The following VAV3 variants were observed in gnomAD, a reference collection of about 807,000 sequenced individuals.
The protein encoded by VAV3 is guanine nucleotide exchange factor VAV3.
A neutral mutation model predicts 131.2 loss-of-function variants in VAV3; 94 were observed. The observed-to-expected ratio is 0.72, with a 90% confidence interval of 0.61 to 0.85. VAV3 has a LOEUF of 0.85. Ranked by LOEUF, VAV3 falls within the 40% of genes least tolerant of loss-of-function variation. The pLI is 0.00. For missense variants in VAV3, 939 were observed against 1,002.7 expected, an observed-to-expected ratio of 0.94 and a Z score of 0.86; for synonymous variants, 349 against 342.0, an observed-to-expected ratio of 1.02 and a Z score of -0.22.
chr1:107,711,502 T>G (rs1347982585), intron 15 of VAV3, among the ~76,000 whole-genome samples: 1 of 152,168 alleles, frequency 6.6e-6, no homozygotes, highest in Non-Finnish European at 1.5e-5. Context: ...CAGGGAACAT[T>G]CTGAAGTCAA....
At chr1:107,751,323 T>G (rs1276085060) in intron 12 of VAV3, 121 bp from the exon 13 acceptor site, 2 of 802,464 alleles carry the variant, frequency 2.5e-6, no homozygotes, top group Non-Finnish European at 3.9e-6. Flanking sequence ...CCATTTTTTA[T>G]ACTTTTAAAG....
At chr1:107,907,750 T>C (rs1557916147) in intron 1 of VAV3, among the ~76,000 whole-genome samples, 1 of 152,134 alleles carries the variant, frequency 6.6e-6, no homozygotes, top group Non-Finnish European at 1.5e-5. Flanking sequence ...CACCATGGTA[T>C]GATGCAGCAA....
At chr1:107,805,331 C>T (rs188941830) in intron 2 of VAV3, among the ~76,000 whole-genome samples, 12 of 152,238 alleles carry the variant, frequency 7.9e-5, no homozygotes, top group African/African-American at 2.2e-4. Context: ...ATATCTCATA[C>T]GTGACCTGTC....
At chr1:107,700,051 T>TGC (rs1660003287) in intron 17 of VAV3, among the ~76,000 whole-genome samples, 1 of 152,206 alleles carries the variant, frequency 6.6e-6, no homozygotes, top group Non-Finnish European at 1.5e-5. Flanking sequence ...AATTAAATTA[T>TGC]AAGTGCAAGT....
chr1:107,726,370 C>T lies in VAV3; in HGVS notation c.1503-21309G>A, dbSNP rs534149292. ...TTCCGCCAGAAAGTCCTCTGTGCTCCGGCAGAGGCGCTCTGCAGATACTTT... is the reference window on the plus strand; with the variant it reads ...TTCCGCCAGAAAGTCCTCTGTGCTCTGGCAGAGGCGCTCTGCAGATACTTT... On this transcript the variant is annotated intron_variant, in intron 15 of 26. Coordinates refer to ENST00000370056, the MANE Select transcript of VAV3 (RefSeq NM_006113.5). Among the ~76,000 whole-genome samples, 35 of 152,336 alleles carry T rather than the reference C, an allele frequency of 2.3e-4. No homozygotes were observed. In the East Asian group the frequency reaches 4.0e-3, roughly 18 times the overall value.
At chr1:107,605,438 T>C (rs374863989) in intron 22 of VAV3, among the ~76,000 whole-genome samples, 1 of 152,192 alleles carries the variant, frequency 6.6e-6, no homozygotes, top group Non-Finnish European at 1.5e-5. Flanking sequence ...TCTCCTGCCA[T>C]GTTATTATGC....
At chr1:107,845,686 A>T (rs1356356336) in intron 2 of VAV3, among the ~76,000 whole-genome samples, 3 of 152,166 alleles carry the variant, frequency 2.0e-5, no homozygotes, top group African/African-American at 7.2e-5. Flanking sequence ...GATCAAACAG[A>T]AGAAAGGATA....
chr1:107,927,897 C>T (rs999844849), intron 1 of VAV3, among the ~76,000 whole-genome samples: 1 of 152,120 alleles, frequency 6.6e-6, no homozygotes, highest in African/African-American at 2.4e-5. Context: ...TCACCACCTG[C>T]TGATGGTAGG....
intron 1 of VAV3, among the ~76,000 whole-genome samples, chr1:107,945,842 GAAAGA>G (rs1202841385): frequency 2.0e-3 from 12 of 6,122 alleles, no homozygotes; most frequent in African/African-American, 2.2e-3. Flanking sequence ...AAAAAAGAAA[GAAAGA>G]AAAGAAAAAC....
chr1:107,762,062 T>C (rs1664468902), intron 9 of VAV3, among the ~76,000 whole-genome samples: 1 of 151,620 alleles, frequency 6.6e-6, no homozygotes, highest in Non-Finnish European at 1.5e-5. Flanking sequence ...CGGTGTGACC[T>C]TGGACAAGTC....
At chr1:107,808,037 T>C (rs1667144611) in intron 2 of VAV3, among the ~76,000 whole-genome samples, 1 of 152,212 alleles carries the variant, frequency 6.6e-6, no homozygotes. Context: ...CCAATGATGA[T>C]TGATTTTGGA....
chr1:107,725,348 G>C (rs1219299198), intron 15 of VAV3, among the ~76,000 whole-genome samples: 4 of 152,268 alleles, frequency 2.6e-5, no homozygotes, highest in African/African-American at 9.6e-5. Flanking sequence ...GAATCAAGAA[G>C]ATTGCTGATC....
chr1:107,614,034 G>A (rs963371330), intron 21 of VAV3, among the ~76,000 whole-genome samples: 10 of 151,944 alleles, frequency 6.6e-5, no homozygotes, highest in Non-Finnish European at 1.5e-4. Context: ...GAAATTCTCA[G>A]GGGATACTGC....
intron 1 of VAV3, among the ~76,000 whole-genome samples, chr1:107,888,695 G>C (rs963988986): frequency 6.6e-6 from 1 of 152,092 alleles, no homozygotes; most frequent in Non-Finnish European, 1.5e-5. Context: ...CTGACCTCAA[G>C]TGATCCCCCC....
At chr1:107,689,169 C>T (rs1288224640) in intron 17 of VAV3, among the ~76,000 whole-genome samples, 1 of 152,142 alleles carries the variant, frequency 6.6e-6, no homozygotes, top group African/African-American at 2.4e-5. Flanking sequence ...ATCTTTGCCT[C>T]CTTTCCCCAT....
chr1:107,582,568 C>G (rs1332123980), intron 25 of VAV3, among the ~76,000 whole-genome samples: 1 of 124,100 alleles, frequency 8.1e-6, no homozygotes, highest in South Asian at 3.3e-4. Context: ...CCCCCTCCCC[C>G]CACCCCACAA....
chr1:107,635,063 G>A (rs1255915269), intron 20 of VAV3, among the ~76,000 whole-genome samples: 3 of 152,000 alleles, frequency 2.0e-5, no homozygotes, highest in Non-Finnish European at 4.4e-5. Flanking sequence ...TCAGTGTGGC[G>A]ATTCCTCAGG....
intron 15 of VAV3, among the ~76,000 whole-genome samples, chr1:107,741,356 G>T (rs940373122): frequency 6.6e-6 from 1 of 152,186 alleles, no homozygotes; most frequent in Non-Finnish European, 1.5e-5. Flanking sequence ...CCCAGGATGG[G>T]TGTGGGAGGC....
chr1:107,948,959 T>C (rs958510450), intron 1 of VAV3, among the ~76,000 whole-genome samples: 1 of 152,242 alleles, frequency 6.6e-6, no homozygotes, highest in Non-Finnish European at 1.5e-5. Context: ...ATCCATGTTT[T>C]ACAGTGTTTA....
Sources: gnomAD v4.1 joint callset for allele counts (sites outside exome capture counted in the v4.1 genomes callset) on GRCh38, gnomAD v4.1.1 for gene constraint, MANE v1.5 for transcripts, NCBI Gene and HGNC (gene_info 2026-07-23, HGNC 2026-07-21) for gene names.